Variants in MIS18A observed in about 807,000 individuals in gnomAD.
The protein encoded by MIS18A is MIS18 kinetochore protein A, also known as protein Mis18-alpha.
MIS18A carries 14 observed loss-of-function variants against 25.0 expected under a neutral mutation model. The observed-to-expected ratio is 0.56, with a 90% CI of 0.37 to 0.88. The LOEUF (loss-of-function observed/expected upper bound fraction) is 0.88, where lower values mean the gene tolerates loss of function less well. Ranked by LOEUF, MIS18A falls within the 40% of genes least tolerant of loss-of-function variation. MIS18A has a pLI of 0.00. For synonymous variants in MIS18A, 134 were observed against 118.6 expected (o/e 1.13, Z -0.84); for missense variants, 292 against 290.8 (o/e 1.00, Z -0.03).
At chr21:32,200,660 G>A in the MIS18A span, among the ~76,000 whole-genome samples, 27 of 152,036 alleles carry the variant, frequency 1.8e-4, no homozygotes, top group East Asian at 4.1e-3. Context: ...GGATGGTCTC[G>A]ATCTCCTGAC....
At chr21:32,163,984 T>G in the MIS18A span, among the ~76,000 whole-genome samples, 11 of 152,028 alleles carry the variant, frequency 7.2e-5, no homozygotes, top group African/African-American at 2.7e-4. Flanking sequence ...CATCACATGA[T>G]GAGAGAAGAG....
At chr21:32,168,786 C>T in the MIS18A span, among the ~76,000 whole-genome samples, 76,727 of 152,002 alleles carry the variant, frequency 0.5, 20,944 homozygotes, top group African/African-American at 0.71. Context: ...AAACACAATC[C>T]TTTTAAAGCA....
the MIS18A span, among the ~76,000 whole-genome samples, chr21:32,246,547 C>T: frequency 9.9e-5 from 15 of 152,154 alleles, no homozygotes; most frequent in African/African-American, 3.6e-4. Flanking sequence ...GGAAAAGCCC[C>T]AAGATTCATC....
the MIS18A span, among the ~76,000 whole-genome samples, chr21:32,191,265 C>A: frequency 3.9e-5 from 6 of 152,178 alleles, no homozygotes; most frequent in Non-Finnish European, 5.9e-5. Context: ...TATCCCAAAG[C>A]CCGAAATCCA....
chr21:32,191,985 C>T, the MIS18A span, among the ~76,000 whole-genome samples: 23,049 of 152,086 alleles, frequency 0.15, 1,860 homozygotes, highest in East Asian at 0.24. Flanking sequence ...CCCCTTTTAC[C>T]CATGCTCTTT....
the MIS18A span, among the ~76,000 whole-genome samples, chr21:32,157,191 G>C: frequency 6.7e-6 from 1 of 148,164 alleles, no homozygotes; most frequent in African/African-American, 2.5e-5. Context: ...GAGTAGCTGG[G>C]ATTACCAGGC....
chr21:32,203,945 G>A, the MIS18A span, among the ~76,000 whole-genome samples: 1 of 151,914 alleles, frequency 6.6e-6, no homozygotes, highest in African/African-American at 2.4e-5. Context: ...GAATGGGTGA[G>A]CTTATAAATG....
At chr21:32,276,179 G>C (rs950606426) in intron 1 of MIS18A, among the ~76,000 whole-genome samples, 8 of 152,156 alleles carry the variant, frequency 5.3e-5, no homozygotes, top group Non-Finnish European at 1.2e-4. Flanking sequence ...AGCCAAGCTA[G>C]CATTCACTTA....
At chr21:32,166,575 G>A in the MIS18A span, among the ~76,000 whole-genome samples, 1 of 152,160 alleles carries the variant, frequency 6.6e-6, no homozygotes, top group East Asian at 1.9e-4. Flanking sequence ...GGAACAAATT[G>A]AGTACTAAAT....
chr21:32,191,728 A>T, the MIS18A span, among the ~76,000 whole-genome samples: 1 of 152,060 alleles, frequency 6.6e-6, no homozygotes, highest in Non-Finnish European at 1.5e-5. Flanking sequence ...ACACGGTGAA[A>T]CCCTGTCTCT....
intron 2 of MIS18A, among the ~76,000 whole-genome samples, chr21:32,271,677 C>T (rs1007908017): frequency 6.6e-6 from 1 of 152,126 alleles, no homozygotes; most frequent in African/African-American, 2.4e-5. Context: ...AACTCCTAGC[C>T]TCAAGCAATC....
chr21:32,173,303 G>A, the MIS18A span, among the ~76,000 whole-genome samples: 1 of 152,214 alleles, frequency 6.6e-6, no homozygotes, highest in Non-Finnish European at 1.5e-5. Flanking sequence ...ACAAATGGGG[G>A]CAGGAATGTG....
chr21:32,232,325 T>C, the MIS18A span, among the ~76,000 whole-genome samples: 1 of 151,742 alleles, frequency 6.6e-6, no homozygotes, highest in South Asian at 2.1e-4. Context: ...TAGATATAGC[T>C]ATATAGATAA....
At chr21:32,270,025 G>T (rs1027622201) in intron 3 of MIS18A, among the ~76,000 whole-genome samples, 1 of 152,022 alleles carries the variant, frequency 6.6e-6, no homozygotes, top group Non-Finnish European at 1.5e-5. Flanking sequence ...AGAAAGCTAT[G>T]ACCACAGCAC....
chr21:32,206,301 G>A, the MIS18A span, among the ~76,000 whole-genome samples: 1 of 152,110 alleles, frequency 6.6e-6, no homozygotes, highest in Non-Finnish European at 1.5e-5. Context: ...ATTGGGTGAG[G>A]GGGGATTACT....
the MIS18A span, among the ~76,000 whole-genome samples, chr21:32,218,435 A>C: frequency 6.6e-6 from 1 of 152,182 alleles, no homozygotes; most frequent in Non-Finnish European, 1.5e-5. Flanking sequence ...TCCAGATTTA[A>C]AAGACAACTG....
At chr21:32,229,747 C>T in the MIS18A span, among the ~76,000 whole-genome samples, 10 of 152,178 alleles carry the variant, frequency 6.6e-5, no homozygotes, top group African/African-American at 7.2e-5. Flanking sequence ...TGCCCATCAG[C>T]GGATCAATAT....
chr21:32,231,773 C>T, the MIS18A span, among the ~76,000 whole-genome samples: 11 of 152,000 alleles, frequency 7.2e-5, no homozygotes, highest in East Asian at 7.7e-4. Flanking sequence ...ATTAGCCGGG[C>T]GTGGTGGCGG....
chr21:32,158,144 G>C, the MIS18A span, among the ~76,000 whole-genome samples: 1 of 152,134 alleles, frequency 6.6e-6, no homozygotes, highest in African/African-American at 2.4e-5. Context: ...TAACAGGCAT[G>C]CAGAATTAAA....
Sources: gnomAD v4.1 joint callset for allele counts (sites outside exome capture counted in the v4.1 genomes callset) on GRCh38, gnomAD v4.1.1 for gene constraint, MANE v1.5 for transcripts, NCBI Gene and HGNC (gene_info 2026-07-23, HGNC 2026-07-21) for gene names.